Variants in ADAMTS15 observed in about 807,000 individuals in gnomAD.
ADAMTS15 encodes the protein ADAM metallopeptidase with thrombospondin type 1 motif 15.
ADAMTS15 carries 35 observed loss-of-function variants against 79.1 expected under a neutral mutation model. That is an observed-to-expected ratio of 0.44 (90% CI 0.34 to 0.59). The LOEUF (loss-of-function observed/expected upper bound fraction) is 0.59. Among genes scored for constraint, ADAMTS15 ranks in the 20% least tolerant of loss-of-function variants. ADAMTS15 has a pLI of 0.02. For missense variants in ADAMTS15, 1,324 were observed against 1,318.7 expected, an observed-to-expected ratio of 1.00 and a Z score of -0.06; for synonymous variants, 616 against 567.3, an observed-to-expected ratio of 1.09 and a Z score of -1.22.
At chr11:130,459,407 C>G (rs1565393301) in intron 1 of ADAMTS15, among the ~76,000 whole-genome samples, 1 of 152,194 alleles carries the variant, frequency 6.6e-6, no homozygotes. Context: ...CTTAAGCGAT[C>G]TGCCTGCCTT....
chr11:130,469,680 C>G (rs538191937), intron 5 of ADAMTS15, among the ~76,000 whole-genome samples: 1 of 152,298 alleles, frequency 6.6e-6, no homozygotes, highest in African/African-American at 2.4e-5. Flanking sequence ...GATCATTCCT[C>G]TTTCCACTCA....
At chr11:130,460,875 C>T (rs1353565676) in intron 1 of ADAMTS15, among the ~76,000 whole-genome samples, 1 of 152,202 alleles carries the variant, frequency 6.6e-6, no homozygotes, top group East Asian at 1.9e-4. Flanking sequence ...CTAGCAGCCA[C>T]TGAGCGTGTG....
chr11:130,462,425 C>A lies in ADAMTS15; in HGVS notation c.1259-72C>A. On this transcript the variant is annotated intron_variant, in intron 3 of 7. Transcript: ENST00000299164. The surrounding 1 kb of genome is among the most constrained non-coding windows in gnomAD (Gnocchi z 4.3). ...TTGCCCTTGGTTCATTATCCCCTTA[C>A]CATTCAGATTCTGGGCTAGCCAAAC... The A allele has an allele frequency of 6.5e-7, 1 of 1,530,088 alleles. No homozygotes were observed. The highest frequency in any genetic ancestry group is 2.0e-5 in the Admixed American group (1 of 51,130). 94.8% of individuals were successfully genotyped at this position (1,530,088 alleles called of 1,614,324 possible).
chr11:130,471,494 A>G, intron 7 of ADAMTS15, 111 bp downstream of exon 7: 1 of 1,293,310 alleles, frequency 7.7e-7, no homozygotes, highest in Non-Finnish European at 1.0e-6. Context: ...TCCAGCCAGT[A>G]CCCTTGCTGC....
chr11:130,452,572 C>G lies in ADAMTS15; in HGVS notation c.957+2642C>G, dbSNP rs182709732. The stretch of plus-strand genomic sequence containing the variant: ...CCAATAACGCTGCCGTTTGGGTGAC[C>G]CTTTGTGGTAGAATGGCTTTCATTC... On this transcript the variant is annotated intron_variant, in intron 1 of 7. Transcript: ENST00000299164. Among the ~76,000 whole-genome samples, 6 of 152,292 alleles carry G rather than the reference C, an allele frequency of 3.9e-5. No homozygotes were observed. The East Asian group carries it at 9.7e-4, about 25-fold the overall frequency.
At chr11:130,455,860 C>G (rs577269396) in intron 1 of ADAMTS15, among the ~76,000 whole-genome samples, 1 of 152,136 alleles carries the variant, frequency 6.6e-6, no homozygotes, top group Non-Finnish European at 1.5e-5. Flanking sequence ...AGAGCACTCT[C>G]GGCACTTAAT....
intron 1 of ADAMTS15, among the ~76,000 whole-genome samples, chr11:130,456,359 G>T (rs947707406): frequency 6.6e-6 from 1 of 151,946 alleles, no homozygotes; most frequent in African/African-American, 2.4e-5. Context: ...TATTGTTTTG[G>T]TGACCTCACT....
Position 130,473,341 on chromosome 11 carries a change from G to T in ADAMTS15, c.2373G>T (p.Pro791=), listed in dbSNP as rs749082783. ...TCCTCTCCGTGGGGAAGATGACACC[G>T]CCCCGGGTCCGCTACTCCTTCTATC... ...VEVLSVGKMT[P]PRVRYSFYLP... is the part of the protein sequence containing the mutation. The change falls in exon 8 of 8, where the codon CCG becomes CCT. Residue 791 remains proline, a synonymous_variant. Coordinates refer to ENST00000299164, the MANE Select transcript of ADAMTS15 (RefSeq NM_139055.4). 1.9e-6 allele frequency: 3 copies of T among 1,612,800 alleles called. No individual in the cohort carries two copies. Among genetic ancestry groups the T allele is most frequent in the African/African-American group, 1.3e-5 (1 of 74,934 alleles).
chr11:130,471,168 C>A, intron 6 of ADAMTS15, 40 bp from the exon 7 acceptor site: 1 of 1,586,440 alleles, frequency 6.3e-7, no homozygotes, highest in Non-Finnish European at 8.6e-7. Context: ...AGCTGAGCTG[C>A]CCTGCTCTTC....
intron 5 of ADAMTS15, among the ~76,000 whole-genome samples, chr11:130,470,149 T>TATATATATATACAC (rs1565397585): frequency 1.7e-5 from 1 of 59,886 alleles, no homozygotes; most frequent in African/African-American, 9.6e-5. Flanking sequence ...TATATATATA[T>TATATATATATACAC]ATGTGTATAT....
At chr11:130,470,783 G>A in intron 5 of ADAMTS15, 137 bp from the exon 6 acceptor site, 1 of 972,458 alleles carries the variant, frequency 1.0e-6, no homozygotes, top group South Asian at 1.6e-5. Context: ...AGTGCTTTCA[G>A]ATGGGGGGAG....
chr11:130,449,481 C>T lies in ADAMTS15; in HGVS notation c.508C>T (p.Pro170Ser). 1.3e-6 allele frequency: 2 copies of T among 1,562,108 alleles called. No homozygotes were observed. The highest frequency in any genetic ancestry group is 1.7e-6 in the Non-Finnish European group (2 of 1,157,002). The change falls in exon 1 of 8, where the codon CCC becomes TCC. Residue 170 changes from proline (P) to serine (S), a missense_variant. Transcript: ENST00000299164. The surrounding 1 kb of genome is among the most constrained non-coding windows in gnomAD (Gnocchi z 7.8). ...TGTTCCGGGCGGGCCTTCCGGAGAC[C>T]CCACCTCTCGCTGCGGGGTGGCCTC... The part of the protein sequence containing the change: ...RGVPGGPSGD[P>S]TSRCGVASGW...
intron 4 of ADAMTS15, among the ~76,000 whole-genome samples, chr11:130,468,460 G>A (rs868136328): frequency 2.0e-5 from 3 of 151,610 alleles, no homozygotes; most frequent in Non-Finnish European, 4.4e-5. Flanking sequence ...GTGAAACCTC[G>A]TCTCTATTAA....
Position 130,473,542 on chromosome 11 carries a change from C to G in ADAMTS15, c.2574C>G (p.Gly858=), listed in dbSNP as rs748326599. The G allele has an allele frequency of 1.2e-6, 2 of 1,604,732 alleles. No homozygotes were observed. Among genetic ancestry groups the G allele is most frequent in the Non-Finnish European group, 1.7e-6 (2 of 1,174,820 alleles). ...WGPCSASCGS[G]LQKRAVDCRG... ...CGTGCTCCGCGAGCTGCGGCAGTGG[C>G]CTGCAGAAGCGGGCGGTGGACTGCC... The change falls in exon 8 of 8, where the codon GGC becomes GGG. Residue 858 remains glycine (G), a synonymous_variant. Coordinates refer to ENST00000299164, the MANE Select transcript of ADAMTS15 (RefSeq NM_139055.4).
chr11:130,469,409 T>A lies in ADAMTS15; in HGVS notation c.1690T>A (p.Ser564Thr). ...YCEGVRVKYRSCNLEPCPSSA... is the reference protein window; with the variant it reads ...YCEGVRVKYRTCNLEPCPSSA... Reference sequence around the variant, plus strand: ...CGAGGGAGTGAGGGTGAAATACCGATCCTGCAATCTGGAGCCCTGCCCCAG... The same window carrying A: ...CGAGGGAGTGAGGGTGAAATACCGAACCTGCAATCTGGAGCCCTGCCCCAG... Residue 564 changes from serine (S) to threonine (T), a missense_variant, in exon 5 of 8, where the codon TCC (serine) becomes ACC (threonine). Physicochemically the swap from Ser to Thr is moderately conservative, Grantham distance 58. Coordinates refer to ENST00000299164, the MANE Select transcript of ADAMTS15 (RefSeq NM_139055.4). 7.4e-7 allele frequency: 1 copy of A among 1,348,326 alleles called. No homozygotes were observed. Among genetic ancestry groups the A allele is most frequent in the Non-Finnish European group, 9.6e-7 (1 of 1,040,926 alleles). The allele number at this position is 1,348,326 out of a possible 1,614,324, so 83.5% of individuals were successfully genotyped here. A position where few individuals can be genotyped will look rare whatever the true frequency, so the allele number is the denominator to read the frequency against.
intron 5 of ADAMTS15, among the ~76,000 whole-genome samples, chr11:130,470,209 T>TGTATATATAC (rs1565397949): frequency 1.3e-4 from 8 of 60,106 alleles, no homozygotes; most frequent in African/African-American, 6.7e-4. Flanking sequence ...TATATATATA[T>TGTATATATAC]GTATATATAT....
rs752851928 is a variant in ADAMTS15, at chr11:130,473,242, G to A, written c.2274G>A (p.Arg758=). 1 of 1,613,660 alleles carries A rather than the reference G, an allele frequency of 6.2e-7. No individual in the cohort carries two copies. The highest frequency in any genetic ancestry group is 8.5e-7 in the Non-Finnish European group (1 of 1,180,034). ...RDLVVKGSLL[R]YSGTGTAVES... Reference sequence around the variant, plus strand: ...TGGTGGTGAAGGGCAGTCTGCTGCGGTACAGCGGCACGGGCACAGCGGTGG... The same window carrying A: ...TGGTGGTGAAGGGCAGTCTGCTGCGATACAGCGGCACGGGCACAGCGGTGG... The change falls in exon 8 of 8, where the codon CGG becomes CGA. Residue 758 remains arginine (R), a synonymous_variant. Coordinates refer to ENST00000299164, the MANE Select transcript of ADAMTS15 (RefSeq NM_139055.4).
At position 130,464,390 on chromosome 11, in the gene ADAMTS15, G is replaced by A. The variant is rs141485330; in HGVS notation, c.1542+1610G>A. On this transcript the variant is annotated intron_variant, in intron 4 of 7. Coordinates refer to ENST00000299164, the MANE Select transcript of ADAMTS15 (RefSeq NM_139055.4). ...AACTTTCCAGGAAACCTTCATGGAAGTCATTGCCCTCACTGGCTGAGGTCA... is the reference window on the plus strand; with the variant it reads ...AACTTTCCAGGAAACCTTCATGGAAATCATTGCCCTCACTGGCTGAGGTCA... 4.7e-3 allele frequency among the ~76,000 whole-genome samples: 719 copies of A among 152,160 alleles called. 3 individuals are homozygous for A. The highest frequency in any genetic ancestry group is 0.016 in the African/African-American group (651 of 41,458).
intron 1 of ADAMTS15, among the ~76,000 whole-genome samples, chr11:130,455,104 A>T (rs1481487692): frequency 6.6e-6 from 1 of 152,130 alleles, no homozygotes; most frequent in Non-Finnish European, 1.5e-5. Flanking sequence ...TGTGCACTTA[A>T]CTTTCCTCAC....
Sources: allele counts gnomAD v4.1 joint callset (sites outside exome capture counted in the v4.1 genomes callset), GRCh38; gene constraint gnomAD v4.1.1; non-coding constraint Gnocchi (gnomAD v3.1); transcripts MANE v1.5; gene names NCBI Gene and HGNC (gene_info 2026-07-23, HGNC 2026-07-21).